The following TMEM272 variants were observed in gnomAD, a reference collection of about 807,000 sequenced individuals.
TMEM272 encodes transmembrane protein 272.
Under a neutral mutation model 3.7 loss-of-function variants are expected in TMEM272, and 8 were observed. The ratio of observed to expected loss-of-function variants is 2.17; its 90% CI spans 1.27 to 3.91. TMEM272 has a LOEUF of 3.91. Among genes scored for constraint, TMEM272 ranks in the 30% most tolerant of loss-of-function variants. The pLI, the probability that TMEM272 is intolerant of heterozygous loss-of-function variation, is 0.00. For synonymous variants in TMEM272, 63 were observed against 39.8 expected (o/e 1.58, Z -2.20); for missense variants, 166 against 91.5 (o/e 1.81, Z -3.32).
intron 2 of TMEM272, among the ~76,000 whole-genome samples, chr13:51,828,026 G>A (rs1296840877): frequency 6.6e-6 from 1 of 152,192 alleles, no homozygotes; most frequent in African/African-American, 2.4e-5. Context: ...GCCATCATGA[G>A]GGGAAGCCAG....
At chr13:51,826,969 G>C (rs1036281460) in intron 2 of TMEM272, among the ~76,000 whole-genome samples, 1 of 152,232 alleles carries the variant, frequency 6.6e-6, no homozygotes, top group Non-Finnish European at 1.5e-5. Flanking sequence ...CATCCACTGA[G>C]CCAGGCAGGA....
At chr13:51,907,381 C>T in the TMEM272 span, among the ~76,000 whole-genome samples, 3 of 152,160 alleles carry the variant, frequency 2.0e-5, no homozygotes, top group Non-Finnish European at 4.4e-5. Context: ...TGCCCTTGAG[C>T]GTGCTTTTCA....
the TMEM272 span, among the ~76,000 whole-genome samples, chr13:51,863,680 C>CAG: frequency 7.9e-6 from 1 of 126,836 alleles, no homozygotes; most frequent in South Asian, 2.7e-4. Flanking sequence ...CAGACACACA[C>CAG]ACACACACAC....
the TMEM272 span, among the ~76,000 whole-genome samples, chr13:51,877,246 T>C: frequency 8.5e-5 from 13 of 152,326 alleles, no homozygotes; most frequent in African/African-American, 3.1e-4. Context: ...ATAACATAGG[T>C]AAAATGCCAA....
Position 51,839,665 on chromosome 13 carries a change from G to A in TMEM272, c.-23-1112C>T, listed in dbSNP as rs375019248. ...GGGCTTAGGGCAGGGGGAACAGGCC[G>A]TGATGGGGAAGATTTGTGGTCTGAG... On this transcript the variant is annotated intron_variant, in intron 1 of 4. Transcript: ENST00000629372. Among the ~76,000 whole-genome samples the A allele has an allele frequency of 1.7e-4, 26 of 152,346 alleles. No homozygotes were observed. The East Asian group carries it at 2.5e-3, about 15-fold the overall frequency.
chr13:51,882,969 C>T, the TMEM272 span, among the ~76,000 whole-genome samples: 3 of 152,156 alleles, frequency 2.0e-5, no homozygotes, highest in Non-Finnish European at 4.4e-5. Flanking sequence ...GTTCCTGTGC[C>T]CACCATGCCC....
In TMEM272 at chr13:51,815,108, A is replaced by C. The variant is rs1312719360; in HGVS notation, c.*1643T>G. 6.6e-6 allele frequency: 1 copy of C among 152,326 alleles called. No homozygotes were observed. Among genetic ancestry groups the C allele is most frequent in the Non-Finnish European group, 1.5e-5 (1 of 68,046 alleles). 9.4% of individuals were successfully genotyped at this position (152,326 alleles called of 1,614,324 possible). A position where few individuals can be genotyped will look rare whatever the true frequency, so the allele number is the denominator to read the frequency against. ...TCCACCCCAGTATCATAGCCCACAGACTCTCCCCAGTCCCCAACACAGAGA... is the reference window on the plus strand; with the variant it reads ...TCCACCCCAGTATCATAGCCCACAGCCTCTCCCCAGTCCCCAACACAGAGA... On this transcript the variant is annotated 3_prime_UTR_variant, in exon 5 of 5. Coordinates refer to ENST00000629372, the MANE Select transcript of TMEM272 (RefSeq NM_001351003.2).
At chr13:51,836,388 C>T (rs1235360340) in intron 2 of TMEM272, among the ~76,000 whole-genome samples, 1 of 152,200 alleles carries the variant, frequency 6.6e-6, no homozygotes, top group Non-Finnish European at 1.5e-5. Context: ...GATTAAGAGA[C>T]CTCCCTCAAA....
intron 2 of TMEM272, among the ~76,000 whole-genome samples, chr13:51,833,989 G>C (rs1956194346): frequency 6.6e-6 from 1 of 152,150 alleles, no homozygotes; most frequent in Middle Eastern, 3.2e-3. Flanking sequence ...CCCCTTCCCT[G>C]CAGTGTCCAA....
the TMEM272 span, among the ~76,000 whole-genome samples, chr13:51,917,350 C>A: frequency 3.7e-4 from 56 of 152,244 alleles, no homozygotes; most frequent in Admixed American, 6.5e-4. Flanking sequence ...GGAGTTTGAG[C>A]ACCCAGAGAG....
At chr13:51,910,107 T>C in the TMEM272 span, 1 of 1,072,360 alleles carries the variant, frequency 9.3e-7, no homozygotes, top group Middle Eastern at 2.0e-4. Flanking sequence ...AGACTGTATC[T>C]TTTTGGAAAT....
the TMEM272 span, among the ~76,000 whole-genome samples, chr13:51,853,966 T>C: frequency 6.6e-6 from 1 of 152,190 alleles, no homozygotes; most frequent in Non-Finnish European, 1.5e-5. Flanking sequence ...ACCTTGAAAA[T>C]TGGCAAGAAT....
chr13:51,918,995 C>A, the TMEM272 span, among the ~76,000 whole-genome samples: 1 of 152,006 alleles, frequency 6.6e-6, no homozygotes, highest in African/African-American at 2.4e-5. Context: ...TATGACACAT[C>A]TCTCCTGGCT....
rs746988946 is a variant in TMEM272 at position 51,816,829 on chromosome 13, A to T, written c.486T>A (p.Thr162=). 1 of 703,078 alleles carries T rather than the reference A, an allele frequency of 1.4e-6. No homozygotes were observed. Among genetic ancestry groups the T allele is most frequent in the South Asian group, 1.5e-5 (1 of 67,604 alleles). The allele number at this position is 703,078 out of a possible 1,614,324, so 43.6% of individuals were successfully genotyped here. ...TGCACAGCAGGAGCAAGACCAGCAC[A>T]GTGTGACTGAGCGCCAGGACTCCGA... The part of the protein sequence containing the change: ...FAVGVLALSH[T]VLVLLLLCSG... Residue 162 remains threonine, a synonymous_variant, in exon 5 of 5, where the codon ACT becomes ACA. Transcript: ENST00000629372.
the TMEM272 span, among the ~76,000 whole-genome samples, chr13:51,930,128 C>T: frequency 6.5e-5 from 2 of 30,726 alleles, no homozygotes; most frequent in East Asian, 5.9e-4. Context: ...TATTTGCCTT[C>T]CCCCCCCCCA....
the TMEM272 span, among the ~76,000 whole-genome samples, chr13:51,913,380 G>A: frequency 1.1e-4 from 17 of 152,214 alleles, no homozygotes; most frequent in African/African-American, 3.4e-4. Context: ...CAAAGAAATG[G>A]GAGGGGTGTT....
At chr13:51,838,595 A>T (rs1956235586) in intron 1 of TMEM272, 42 bp from the exon 2 acceptor site, 1 of 702,890 alleles carries the variant, frequency 1.4e-6, no homozygotes, top group Non-Finnish European at 2.6e-6. Context: ...TGGTGGAAGG[A>T]TTTACTCAGC....
At chr13:51,898,294 T>C in the TMEM272 span, among the ~76,000 whole-genome samples, 3 of 152,096 alleles carry the variant, frequency 2.0e-5, no homozygotes, top group Non-Finnish European at 4.4e-5. Context: ...CTCATAAACA[T>C]GCAGAAATAC....
upstream of TMEM272, among the ~76,000 whole-genome samples, chr13:51,845,493 T>C (rs1240807355): frequency 6.6e-6 from 1 of 152,122 alleles, no homozygotes; most frequent in Admixed American, 6.5e-5. Context: ...GGAAAGAGTG[T>C]GAAGGTACTC....
Sources: allele counts gnomAD v4.1 joint callset (sites outside exome capture counted in the v4.1 genomes callset), GRCh38; gene constraint gnomAD v4.1.1; transcripts MANE v1.5; gene names NCBI Gene and HGNC (gene_info 2026-07-23, HGNC 2026-07-21).